SH3PXD2B: variants seen among roughly 807,000 people sequenced by gnomAD.
SH3PXD2B encodes SH3 and PX domain-containing protein 2B.
A neutral mutation model predicts 73.1 loss-of-function variants in SH3PXD2B; 37 were observed. That is an observed-to-expected ratio of 0.51 (90% CI 0.39 to 0.67). SH3PXD2B has a LOEUF of 0.67. Among genes scored for constraint, SH3PXD2B ranks in the 30% least tolerant of loss-of-function variants. SH3PXD2B has a pLI of 0.00. For synonymous variants in SH3PXD2B, 457 were observed against 480.5 expected, an observed-to-expected ratio of 0.95 and a Z score of 0.64; for missense variants, 1,053 against 1,197.8, an observed-to-expected ratio of 0.88 and a Z score of 1.78.
chr5:172,379,013 T>A lies in SH3PXD2B; in HGVS notation c.401+3023A>T, dbSNP rs551190857. ...TGAACCTGGGAGGCGGAGCTTGCAG[T>A]GAGCCAAGATCGCGCCACTGCACTC... On this transcript the variant is annotated intron_variant, in intron 5 of 12. Transcript: ENST00000311601. Among the ~76,000 whole-genome samples, 35 of 137,414 alleles carry A rather than the reference T, an allele frequency of 2.5e-4. No individual in the cohort carries two copies. In the South Asian group the frequency reaches 7.6e-3, roughly 30 times the overall value. 90.1% of individuals were successfully genotyped at this position (137,414 alleles called of 152,430 possible).
chr5:172,447,207 A>G (rs1314018568), intron 1 of SH3PXD2B, among the ~76,000 whole-genome samples: 1 of 152,256 alleles, frequency 6.6e-6, no homozygotes, highest in Non-Finnish European at 1.5e-5. Flanking sequence ...AAGCAGAAAA[A>G]AAAAAGGAAT....
At chr5:172,444,319 T>G (rs1472353494) in intron 1 of SH3PXD2B, among the ~76,000 whole-genome samples, 1 of 152,192 alleles carries the variant, frequency 6.6e-6, no homozygotes, top group Non-Finnish European at 1.5e-5. Flanking sequence ...CCACGTTCTT[T>G]CCAAGACTGG....
At chr5:172,399,914 T>C (rs1462813595) in intron 3 of SH3PXD2B, among the ~76,000 whole-genome samples, 1 of 152,204 alleles carries the variant, frequency 6.6e-6, no homozygotes, top group East Asian at 1.9e-4. Flanking sequence ...CCTGCAGAAA[T>C]CTACACTAAT....
chr5:172,426,457 C>T (rs1219371064), intron 1 of SH3PXD2B, among the ~76,000 whole-genome samples: 1 of 152,244 alleles, frequency 6.6e-6, no homozygotes, highest in Non-Finnish European at 1.5e-5. Context: ...GGGGCCAACA[C>T]CTGGCACGCA....
chr5:172,418,440 G>A (rs1041734819), intron 2 of SH3PXD2B, among the ~76,000 whole-genome samples: 4 of 152,188 alleles, frequency 2.6e-5, no homozygotes, highest in Non-Finnish European at 2.9e-5. Flanking sequence ...TTTCCATTAC[G>A]CCACACTGGC....
rs978023864 is a variant in SH3PXD2B, at chr5:172,454,481, A to AGCCGCCGCCGCCGCCGCCGCCACC, written c.-130_-129insGGTGGCGGCGGCGGCGGCGGCGGC. On this transcript the variant is annotated 5_prime_UTR_variant, in exon 1 of 13. Transcript: ENST00000311601. ...GCAATCGCAGCCGGGGCCGAGCACG[A>AGCCGCCGCCGCCGCCGCCGCCACC]GCCGCCGCCGCCACCGCCGCCGCCC... 3.1e-6 allele frequency: 1 copy of AGCCGCCGCCGCCGCCGCCGCCACC among 320,042 alleles called. No individual in the cohort carries two copies. The highest frequency in any genetic ancestry group is 6.4e-5 in the Admixed American group (1 of 15,594). 19.8% of individuals were successfully genotyped at this position (320,042 alleles called of 1,614,324 possible).
intron 1 of SH3PXD2B, among the ~76,000 whole-genome samples, chr5:172,437,524 A>G (rs1759423010): frequency 6.6e-6 from 1 of 152,168 alleles, no homozygotes; most frequent in Non-Finnish European, 1.5e-5. Flanking sequence ...GCCAGCCTCC[A>G]AAGCCTCTTC....
At chr5:172,418,824 C>T (rs1004488900) in intron 2 of SH3PXD2B, among the ~76,000 whole-genome samples, 4 of 152,166 alleles carry the variant, frequency 2.6e-5, no homozygotes, top group African/African-American at 4.8e-5. Context: ...CAGTTATTAC[C>T]GATTATGCTG....
At chr5:172,396,248 C>A (rs899815928) in intron 3 of SH3PXD2B, among the ~76,000 whole-genome samples, 3 of 148,288 alleles carry the variant, frequency 2.0e-5, no homozygotes. Flanking sequence ...GTAGCATGTG[C>A]CTGTAGTCCC....
chr5:172,400,812 AG>A (rs1172038711), intron 3 of SH3PXD2B, among the ~76,000 whole-genome samples: 1 of 152,236 alleles, frequency 6.6e-6, no homozygotes, highest in African/African-American at 2.4e-5. Context: ...TTTTGACTCC[AG>A]GGAAAGTGTA....
At chr5:172,354,954 C>T (rs552084152) in intron 8 of SH3PXD2B, among the ~76,000 whole-genome samples, 2 of 152,290 alleles carry the variant, frequency 1.3e-5, no homozygotes, top group South Asian at 2.1e-4. Context: ...GGTTGCTCAT[C>T]GCTGCACTCT....
intron 1 of SH3PXD2B, among the ~76,000 whole-genome samples, chr5:172,429,001 A>G (rs1438489910): frequency 3.9e-5 from 6 of 152,178 alleles, no homozygotes; most frequent in Non-Finnish European, 7.3e-5. Flanking sequence ...CACAAAGCCA[A>G]TGAACGCTTT....
In SH3PXD2B at chr5:172,388,768, A is replaced by G. The variant is rs553562191; in HGVS notation, c.309+5795T>C. On this transcript the variant is annotated intron_variant, in intron 4 of 12. Coordinates refer to ENST00000311601, the MANE Select transcript of SH3PXD2B (RefSeq NM_001017995.3). The stretch of plus-strand genomic sequence containing the variant: ...ACAACAGATTCTGGGGAAGTTATGA[A>G]CTGGAACTTCCCGGCTAGGCAAGGT... Among the ~76,000 whole-genome samples the G allele has an allele frequency of 2.6e-4, 39 of 152,310 alleles. No homozygotes were observed. The South Asian group carries it at 4.4e-3, about 17-fold the overall frequency.
At position 172,454,353 on chromosome 5, in the gene SH3PXD2B, G is replaced by A. The variant is rs1237172322; in HGVS notation, c.-1C>T. ...CCACGATGCTGCGCCGCGGCGGCAT[G>A]GCCGCTCCTCCGCCCGCAGCGGGCC... is the stretch of plus-strand genomic sequence containing the variant. On this transcript the variant is annotated 5_prime_UTR_variant, in exon 1 of 13. Coordinates refer to ENST00000311601, the MANE Select transcript of SH3PXD2B (RefSeq NM_001017995.3). The A allele has an allele frequency of 6.6e-7, 1 of 1,514,142 alleles. No individual in the cohort carries two copies. The allele number at this position is 1,514,142 out of a possible 1,614,324, so 93.8% of individuals were successfully genotyped here. A position where few individuals can be genotyped will look rare whatever the true frequency, so the allele number is the denominator to read the frequency against.
chr5:172,378,765 C>T (rs1292588594), intron 5 of SH3PXD2B, among the ~76,000 whole-genome samples: 1 of 152,182 alleles, frequency 6.6e-6, no homozygotes, highest in African/African-American at 2.4e-5. Flanking sequence ...CCCAATCTTA[C>T]CCAGCTTGAA....
At chr5:172,408,712 C>T (rs879331988) in intron 2 of SH3PXD2B, among the ~76,000 whole-genome samples, 24 of 151,568 alleles carry the variant, frequency 1.6e-4, no homozygotes, top group East Asian at 5.8e-4. Context: ...TTAGTAGAGA[C>T]GGGGTTTTAC....
intron 8 of SH3PXD2B, among the ~76,000 whole-genome samples, chr5:172,356,331 C>T (rs1757277240): frequency 1.3e-5 from 2 of 152,162 alleles, no homozygotes. Context: ...TAGCCCTACC[C>T]TGGGCTTTTA....
In SH3PXD2B at chr5:172,334,144, A is replaced by G. The variant is rs1554133718; in HGVS notation, c.*4225T>C. 1 of 1,118,540 alleles carries G rather than the reference A, an allele frequency of 8.9e-7. No homozygotes were observed. Among genetic ancestry groups the G allele is most frequent in the Non-Finnish European group, 1.1e-6 (1 of 912,018 alleles). The allele number at this position is 1,118,540 out of a possible 1,614,324, so 69.3% of individuals were successfully genotyped here. On this transcript the variant is annotated 3_prime_UTR_variant, in exon 13 of 13. Transcript: ENST00000311601. ...TGGAGTCGAGGATAGAAACGGGAAG[A>G]TGGAATGTTGAAACATGAGGAGGAG...
Position 172,338,391 on chromosome 5 carries a change from T to A in SH3PXD2B, c.2714A>T (p.Asn905Ile). Residue 905 changes from asparagine (N) to isoleucine (I), a missense_variant, in exon 13 of 13, where the codon AAC becomes ATC. Coordinates refer to ENST00000311601, the MANE Select transcript of SH3PXD2B (RefSeq NM_001017995.3). This position sits in a 1 kb window ranked among gnomAD's most constrained non-coding sequence, Gnocchi z 5.1. ...CGGCTACGGCTTCTTTCTGAGATAGTTGGAAGGAATCCACCCTTCCCAGGA... is the reference window on the plus strand; with the variant it reads ...CGGCTACGGCTTCTTTCTGAGATAGATGGAAGGAATCCACCCTTCCCAGGA... Reference protein sequence around the residue: ...APSWEGWIPSNYLRKKP With the variant: ...APSWEGWIPSIYLRKKP 1 of 1,614,074 alleles carries A rather than the reference T, an allele frequency of 6.2e-7. No individual in the cohort carries two copies. Among genetic ancestry groups the A allele is most frequent in the Non-Finnish European group, 8.5e-7 (1 of 1,180,014 alleles).
Sources: gnomAD v4.1 joint callset for allele counts (sites outside exome capture counted in the v4.1 genomes callset) on GRCh38, gnomAD v4.1.1 for gene constraint, Gnocchi (gnomAD v3.1) non-coding constraint, MANE v1.5 for transcripts, NCBI Gene and HGNC (gene_info 2026-07-23, HGNC 2026-07-21) for gene names.